KATNIP: variants seen among roughly 807,000 people sequenced by gnomAD.
KATNIP encodes katanin-interacting protein.
KATNIP carries 126 observed loss-of-function variants against 174.0 expected under a neutral mutation model. The observed-to-expected ratio is 0.72, with a 90% confidence interval of 0.63 to 0.84. The LOEUF (loss-of-function observed/expected upper bound fraction) is 0.84. Ranked by LOEUF, KATNIP falls within the 40% of genes least tolerant of loss-of-function variation. The pLI, the probability that KATNIP is intolerant of heterozygous loss-of-function variation, is 0.00. For synonymous variants in KATNIP, 810 were observed against 835.7 expected (o/e 0.97, Z 0.53); for missense variants, 1,958 against 2,109.7 (o/e 0.93, Z 1.41).
chr16:27,722,412 A>G (rs1011691699), intron 14 of KATNIP: 2 of 152,296 alleles, frequency 1.3e-5, no homozygotes, highest in African/African-American at 4.8e-5. Flanking sequence ...TGCAGGATCC[A>G]CACCCTCCTT....
chr16:27,602,392 C>G (rs890065807), intron 2 of KATNIP, among the ~76,000 whole-genome samples: 1 of 152,180 alleles, frequency 6.6e-6, no homozygotes, highest in Non-Finnish European at 1.5e-5. Context: ...CCTCCCACTC[C>G]CCTGCCTTGT....
chr16:27,622,921 GA>G (rs1424564519), intron 3 of KATNIP, among the ~76,000 whole-genome samples: 1 of 152,158 alleles, frequency 6.6e-6, no homozygotes, highest in Non-Finnish European at 1.5e-5. Context: ...GCAAGCTGGG[GA>G]AATGGTGGAG....
intron 6 of KATNIP, among the ~76,000 whole-genome samples, chr16:27,673,738 A>G (rs117992381): frequency 0.027 from 4,142 of 152,296 alleles, 95 homozygotes; most frequent in Non-Finnish European, 0.041. Context: ...AATTAGTCCC[A>G]GTTCAGACCT....
chr16:27,602,511 A>G, intron 2 of KATNIP, among the ~76,000 whole-genome samples: 1 of 152,052 alleles, frequency 6.6e-6, no homozygotes, highest in East Asian at 1.9e-4. Flanking sequence ...TTATCCCAAT[A>G]CCTTGTAACT....
intron 18 of KATNIP, among the ~76,000 whole-genome samples, chr16:27,758,825 A>G (rs1376505823): frequency 6.6e-6 from 1 of 152,058 alleles, no homozygotes; most frequent in East Asian, 1.9e-4. Flanking sequence ...ATTTTCTTTC[A>G]TAGTGTTCAT....
chr16:27,760,146 A>T (rs1567411967), intron 18 of KATNIP, among the ~76,000 whole-genome samples: 1 of 152,220 alleles, frequency 6.6e-6, no homozygotes, highest in East Asian at 1.9e-4. Flanking sequence ...TCCTCATCTG[A>T]GCTGCAAGGG....
intron 2 of KATNIP, among the ~76,000 whole-genome samples, chr16:27,615,215 A>G (rs1434553380): frequency 6.6e-6 from 1 of 150,996 alleles, no homozygotes; most frequent in Non-Finnish European, 1.5e-5. Flanking sequence ...TGTAACCTTG[A>G]ACTCCTAGAC....
chr16:27,729,381 A>G (rs1361113652), intron 14 of KATNIP, among the ~76,000 whole-genome samples: 1 of 152,192 alleles, frequency 6.6e-6, no homozygotes, highest in Admixed American at 6.5e-5. Context: ...TCAGACCTGC[A>G]TTGCTACCTG....
intron 1 of KATNIP, among the ~76,000 whole-genome samples, chr16:27,565,397 C>T (rs1376728206): frequency 3.4e-5 from 5 of 147,810 alleles, no homozygotes; most frequent in Non-Finnish European, 7.5e-5. Flanking sequence ...ACCTCGGAGG[C>T]AGAGGTTGCA....
chr16:27,714,645 A>G (rs1355749280), intron 13 of KATNIP, among the ~76,000 whole-genome samples: 2 of 152,176 alleles, frequency 1.3e-5, no homozygotes, highest in African/African-American at 2.4e-5. Flanking sequence ...ATTGCTATTG[A>G]CCTTACAGAA....
At chr16:27,736,372 C>G (rs73517322) in intron 14 of KATNIP, among the ~76,000 whole-genome samples, 198 of 152,266 alleles carry the variant, frequency 1.3e-3, no homozygotes, top group African/African-American at 4.5e-3. Context: ...TGTCTTGGAG[C>G]CTAACTTTGA....
Position 27,773,780 on chromosome 16 carries a change from C to CT in KATNIP, c.4309+572dup, listed in dbSNP as rs2082394622. 2.0e-5 allele frequency among the ~76,000 whole-genome samples: 3 copies of CT among 152,154 alleles called. No homozygotes were observed. The South Asian group carries it at 6.2e-4, about 32-fold the overall frequency. ...AGTGACAATGGCTGGACCTGGTTAT[C>CT]TGTTGCCATTTCTCCCCAAGCATAT... On this transcript the variant is annotated intron_variant, in intron 23 of 27. Transcript: ENST00000261588.
intron 6 of KATNIP, among the ~76,000 whole-genome samples, chr16:27,669,460 A>G (rs977565857): frequency 6.6e-6 from 1 of 152,232 alleles, no homozygotes; most frequent in Admixed American, 6.5e-5. Flanking sequence ...CTGAAATCAA[A>G]TATAACAAGA....
At chr16:27,607,132 T>G (rs866092364) in intron 2 of KATNIP, among the ~76,000 whole-genome samples, 10 of 152,152 alleles carry the variant, frequency 6.6e-5, no homozygotes, top group Admixed American at 5.9e-4. Context: ...GGGCCTGCAG[T>G]ACGTGCTTTC....
intron 2 of KATNIP, among the ~76,000 whole-genome samples, chr16:27,574,793 A>ACCCCAGGTGATCT (rs11272755): frequency 6.6e-5 from 10 of 151,696 alleles, no homozygotes; most frequent in Non-Finnish European, 1.3e-4. Context: ...CGAACTCCCG[A>ACCCCAGGTGATCT]GCCCGCCTCA....
intron 6 of KATNIP, among the ~76,000 whole-genome samples, chr16:27,663,436 G>A (rs946810469): frequency 1.3e-5 from 2 of 150,120 alleles, no homozygotes; most frequent in Admixed American, 6.6e-5. Context: ...TTATTTATTT[G>A]TTTATTTATT....
At chr16:27,698,614 A>G in intron 9 of KATNIP, 114 bp downstream of exon 9, 1 of 1,030,856 alleles carries the variant, frequency 9.7e-7, no homozygotes, top group Non-Finnish European at 1.3e-6. Context: ...GGCATCGCTG[A>G]CCCCAGACTC....
At chr16:27,690,348 AGATAGATAGATAGAT>A (rs71140903) in intron 8 of KATNIP, among the ~76,000 whole-genome samples, 6,350 of 131,980 alleles carry the variant, frequency 0.048, 168 homozygotes, top group Non-Finnish European at 0.054. Flanking sequence ...ATAGATAGAT[AGATAGATAGATAGAT>A]GATAGATAGA....
intron 12 of KATNIP, among the ~76,000 whole-genome samples, chr16:27,704,595 A>AT (rs1407118429): frequency 2.0e-5 from 3 of 151,836 alleles, no homozygotes; most frequent in South Asian, 4.2e-4. Context: ...TAGGGAAGAC[A>AT]TTTTTTTTTA....
Sources: allele counts gnomAD v4.1 joint callset (sites outside exome capture counted in the v4.1 genomes callset), GRCh38; gene constraint gnomAD v4.1.1; transcripts MANE v1.5; gene names NCBI Gene and HGNC (gene_info 2026-07-23, HGNC 2026-07-21).